The following BSN variants were observed in gnomAD, a reference collection of about 807,000 sequenced individuals.
BSN encodes bassoon presynaptic cytomatrix protein.
BSN carries 57 observed loss-of-function variants against 264.8 expected under a neutral mutation model. The ratio of observed to expected loss-of-function variants is 0.22; its 90% CI spans 0.17 to 0.27. The LOEUF (loss-of-function observed/expected upper bound fraction) is 0.27, where lower values mean the gene tolerates loss of function less well. BSN is among the 10% of genes least tolerant of loss of function. The pLI is 1.00. For synonymous variants in BSN, 2,059 were observed against 2,137.3 expected, an observed-to-expected ratio of 0.96 and a Z score of 1.01; for missense variants, 4,615 against 5,232.5, an observed-to-expected ratio of 0.88 and a Z score of 3.64.
rs1060970 is a variant in BSN at position 49,671,336 on chromosome 3, T to C, written c.*3851T>C. On this transcript the variant is annotated 3_prime_UTR_variant, in exon 12 of 12. Transcript: ENST00000296452. This position sits in a 1 kb window ranked among gnomAD's most constrained non-coding sequence, Gnocchi z 4.1. ...CTCTCCCTTTCTTTCCTTCTCTCCT[T>C]CTTTATTTGAGGGGGGAAGAGTGCT... 36,939 of 152,426 alleles carry C rather than the reference T, an allele frequency of 0.24. 6,021 individuals carry two copies. The highest frequency in any genetic ancestry group is 0.78 in the East Asian group (4,013 of 5,148). 9.4% of individuals were successfully genotyped at this position (152,426 alleles called of 1,614,324 possible).
chr3:49,667,845 C>T lies in BSN; in HGVS notation c.*360C>T, dbSNP rs1456360745. On this transcript the variant is annotated 3_prime_UTR_variant, in exon 12 of 12. Coordinates refer to ENST00000296452, the MANE Select transcript of BSN (RefSeq NM_003458.4). ...AAACCCTGCCACCATGGTGTCTTGC[C>T]GTACTTCCCACAGCCGCCTTTTTGC... 1 of 152,460 alleles carries T rather than the reference C, an allele frequency of 6.6e-6. No homozygotes were observed. Among genetic ancestry groups the T allele is most frequent in the Non-Finnish European group, 1.5e-5 (1 of 68,038 alleles). 9.4% of individuals were successfully genotyped at this position (152,460 alleles called of 1,614,324 possible). A position where few individuals can be genotyped will look rare whatever the true frequency, so the allele number is the denominator to read the frequency against.
chr3:49,605,339 A>ATT (rs1162947412), intron 1 of BSN, among the ~76,000 whole-genome samples: 1 of 88,528 alleles, frequency 1.1e-5, no homozygotes, highest in Non-Finnish European at 2.1e-5. Context: ...ATAAATATAT[A>ATT]TAATATATAA....
intron 1 of BSN, among the ~76,000 whole-genome samples, chr3:49,616,505 G>T (rs1023535875): frequency 6.6e-6 from 1 of 152,198 alleles, no homozygotes; most frequent in Non-Finnish European, 1.5e-5. Context: ...GTTTCTTTAA[G>T]TTCACTCCCC....
chr3:49,650,959 A>G lies in BSN; in HGVS notation c.1866A>G (p.Pro622=). 2 of 1,614,042 alleles carry G rather than the reference A, an allele frequency of 1.2e-6. No homozygotes were observed. The highest frequency in any genetic ancestry group is 1.7e-5 in the Admixed American group (1 of 59,998). Residue 622 remains proline (P), a synonymous_variant, in exon 4 of 12, where the codon CCA becomes CCG. Coordinates refer to ENST00000296452, the MANE Select transcript of BSN (RefSeq NM_003458.4). ...CTAAAGCTGAGCCCATGCCGAAGCCACCTCCAGAGACTACCCCAACCCCTG... is the reference window on the plus strand; with the variant it reads ...CTAAAGCTGAGCCCATGCCGAAGCCGCCTCCAGAGACTACCCCAACCCCTG... The part of the protein sequence containing the change: ...VPTKAEPMPK[P]PPETTPTPAT...
At chr3:49,566,166 A>G (rs1314012262) in intron 1 of BSN, among the ~76,000 whole-genome samples, 3 of 152,234 alleles carry the variant, frequency 2.0e-5, no homozygotes, top group African/African-American at 4.8e-5. Context: ...TATCCAAACA[A>G]CGTCTACATA....
rs2052679800 is a variant in BSN, at chr3:49,663,224, C to T, written c.11066C>T (p.Pro3689Leu). The T allele has an allele frequency of 1.2e-6, 2 of 1,614,118 alleles. No homozygotes were observed. The highest frequency in any genetic ancestry group is 1.1e-5 in the South Asian group (1 of 91,088). ...CCCCACTCTCAGCCCAGCTCTGCTC[C>T]AGCTATGCCGAAGAAGGGTCAGCCT... The part of the protein sequence containing the change: ...ARPHSQPSSA[P>L]AMPKKGQPGY... The change falls in exon 7 of 12, where the codon CCA (proline) becomes CTA (leucine). Residue 3689 changes from proline (P) to leucine (L), a missense_variant. Physicochemically the swap from Pro to Leu is moderately conservative, Grantham distance 98. This residue lies in a region of BSN where 3,415 missense variants were observed against 3,866.4 expected (regional missense o/e 0.88). Coordinates refer to ENST00000296452, the MANE Select transcript of BSN (RefSeq NM_003458.4).
At position 49,642,645 on chromosome 3, in the gene BSN, T is replaced by A. The variant is rs143009125; in HGVS notation, c.1011T>A (p.Gly337=). ...CCACCGCAGTGCCCGCTGGGCTTGGTGCCACTGAGCAGACCCAGGAGGGCC... is the reference window on the plus strand; with the variant it reads ...CCACCGCAGTGCCCGCTGGGCTTGGAGCCACTGAGCAGACCCAGGAGGGCC... ...KSATAVPAGL[G]ATEQTQEGLT... Residue 337 remains glycine (G), a synonymous_variant, in exon 3 of 12, where the codon GGT becomes GGA. Transcript: ENST00000296452. This position sits in a 1 kb window ranked among gnomAD's most constrained non-coding sequence, Gnocchi z 7.0. The A allele has an allele frequency of 8.1e-6, 13 of 1,603,572 alleles. No individual in the cohort carries two copies. Among genetic ancestry groups the A allele is most frequent in the Non-Finnish European group, 1.0e-5 (12 of 1,174,126 alleles).
intron 1 of BSN, among the ~76,000 whole-genome samples, chr3:49,596,606 C>T (rs540053201): frequency 1.3e-5 from 2 of 152,118 alleles, no homozygotes; most frequent in Non-Finnish European, 2.9e-5. Flanking sequence ...CCTCCTGCCT[C>T]GGCCTCCCAA....
Position 49,651,637 on chromosome 3 carries a change from A to T in BSN, c.2081A>T (p.Gln694Leu). ...GYSSDGISSS[Q>L]SEITGVVQQE... ...TCCTCTGACGGCATCTCTAGCTCCC[A>T]GAGTGAGATCACAGGAGTCGTGCAG... The change falls in exon 5 of 12, where the codon CAG (glutamine) becomes CTG (leucine). Residue 694 changes from glutamine to leucine, a missense_variant. Gln to Leu is a moderately radical substitution (Grantham distance 113). Coordinates refer to ENST00000296452, the MANE Select transcript of BSN (RefSeq NM_003458.4). The surrounding 1 kb of genome is among the most constrained non-coding windows in gnomAD (Gnocchi z 5.4). 6.2e-7 allele frequency: 1 copy of T among 1,614,146 alleles called. No individual in the cohort carries two copies. The highest frequency in any genetic ancestry group is 8.5e-7 in the Non-Finnish European group (1 of 1,180,028).
chr3:49,593,815 T>G (rs529915443), intron 1 of BSN, among the ~76,000 whole-genome samples: 4 of 147,918 alleles, frequency 2.7e-5, no homozygotes, highest in Non-Finnish European at 6.0e-5. Context: ...GTTTTTTTTT[T>G]TTTTTGAGAT....
rs182752107 is a variant in BSN, at chr3:49,667,208, C to T, written c.*105-382C>T. ...GATTGGGTCAAGTGGACAGTGCTGC[C>T]GTGAGTATCCCTCTCCTGAAATTCT... On this transcript the variant is annotated intron_variant, in intron 11 of 11. Coordinates refer to ENST00000296452, the MANE Select transcript of BSN (RefSeq NM_003458.4). Among the ~76,000 whole-genome samples the T allele has an allele frequency of 1.2e-4, 18 of 151,746 alleles. 1 individual carries two copies. The highest frequency in any genetic ancestry group is 7.2e-4 in the Admixed American group (11 of 15,240).
intron 2 of BSN, among the ~76,000 whole-genome samples, chr3:49,636,617 G>C (rs1235240997): frequency 6.6e-6 from 1 of 152,224 alleles, no homozygotes; most frequent in Non-Finnish European, 1.5e-5. Context: ...GGTGCGATTA[G>C]GTTCAGCCTC....
At chr3:49,581,926 A>G (rs552620500) in intron 1 of BSN, among the ~76,000 whole-genome samples, 1 of 152,182 alleles carries the variant, frequency 6.6e-6, no homozygotes, top group South Asian at 2.1e-4. Flanking sequence ...GGGGGCTACT[A>G]TATTGTGAAT....
At chr3:49,572,454 GT>G (rs2051804837) in intron 1 of BSN, among the ~76,000 whole-genome samples, 1 of 152,174 alleles carries the variant, frequency 6.6e-6, no homozygotes, top group Admixed American at 6.5e-5. Flanking sequence ...GATCAGAGTG[GT>G]ATCCTTTGGA....
rs2052472745 is a variant in BSN at position 49,642,632 on chromosome 3, C to T, written c.998C>T (p.Pro333Leu). The change falls in exon 3 of 12, where the codon CCC becomes CTC. Residue 333 changes from proline (P) to leucine (L), a missense_variant. Physicochemically the swap from Pro to Leu is moderately conservative, Grantham distance 98 (BLOSUM62 -3). Transcript: ENST00000296452. The surrounding 1 kb of genome is among the most constrained non-coding windows in gnomAD (Gnocchi z 7.0). ...EAPAKSATAV[P>L]AGLGATEQTQ... ...CCGGCCAAAAGTGCCACCGCAGTGC[C>T]CGCTGGGCTTGGTGCCACTGAGCAG... 3.7e-6 allele frequency: 6 copies of T among 1,602,992 alleles called. No individual in the cohort carries two copies. Among genetic ancestry groups the T allele is most frequent in the African/African-American group, 1.3e-5 (1 of 74,690 alleles).
rs747380841 is a variant in BSN, at chr3:49,655,386, C to A, written c.5830C>A (p.Pro1944Thr). The change falls in exon 5 of 12, where the codon CCC becomes ACC. Residue 1944 changes from proline to threonine, a missense_variant. This residue lies in a region of BSN where 3,415 missense variants were observed against 3,866.4 expected (regional missense o/e 0.88). Coordinates refer to ENST00000296452, the MANE Select transcript of BSN (RefSeq NM_003458.4). ...PGQSSSPFYGPRDPEPPEPPT... is the reference protein window; with the variant it reads ...PGQSSSPFYGTRDPEPPEPPT... The stretch of plus-strand genomic sequence containing the variant: ...CCAAAGCAGCAGCCCCTTCTATGGT[C>A]CCCGGGACCCTGAGCCTCCTGAGCC... The A allele has an allele frequency of 6.3e-7, 1 of 1,578,002 alleles. No homozygotes were observed. The highest frequency in any genetic ancestry group is 1.3e-5 in the African/African-American group (1 of 74,276).
At chr3:49,658,754 T>G (rs1355140881) in intron 5 of BSN, among the ~76,000 whole-genome samples, 1 of 152,184 alleles carries the variant, frequency 6.6e-6, no homozygotes, top group Non-Finnish European at 1.5e-5. Flanking sequence ...TACCTGGCCC[T>G]CGGTAAATCT....
intron 8 of BSN, 47 bp downstream of exon 8, chr3:49,663,933 G>GCAA (rs1286358833): frequency 6.4e-7 from 1 of 1,572,514 alleles, no homozygotes; most frequent in East Asian, 2.2e-5. Context: ...GAGCACCCAG[G>GCAA]CTGTTCTCTC....
intron 1 of BSN, among the ~76,000 whole-genome samples, chr3:49,562,297 G>C (rs1216572252): frequency 6.6e-6 from 1 of 152,184 alleles, no homozygotes; most frequent in African/African-American, 2.4e-5. Flanking sequence ...AGGAAACTCT[G>C]CTGAACATCT....
Sources: gnomAD v4.1 joint callset for allele counts (sites outside exome capture counted in the v4.1 genomes callset) on GRCh38, gnomAD v4.1.1 for gene constraint, gnomAD v4.1.1 regional missense constraint, Gnocchi (gnomAD v3.1) non-coding constraint, MANE v1.5 for transcripts, NCBI Gene and HGNC (gene_info 2026-07-23, HGNC 2026-07-21) for gene names.